SLC4A8: variants seen among roughly 807,000 people sequenced by gnomAD.
The protein encoded by SLC4A8 is solute carrier family 4 member 8.
Under a neutral mutation model 125.0 loss-of-function variants are expected in SLC4A8, and 40 were observed. That is an observed-to-expected ratio of 0.32 (90% CI 0.25 to 0.42). The LOEUF (loss-of-function observed/expected upper bound fraction) is 0.42, where lower values mean the gene tolerates loss of function less well. Among genes scored for constraint, SLC4A8 ranks in the 10% least tolerant of loss-of-function variants. SLC4A8 has a pLI of 1.00. For synonymous variants in SLC4A8, 456 were observed against 476.0 expected, an observed-to-expected ratio of 0.96 and a Z score of 0.55; for missense variants, 863 against 1,355.1, an observed-to-expected ratio of 0.64 and a Z score of 5.70.
intron 6 of SLC4A8, among the ~76,000 whole-genome samples, chr12:51,457,817 T>C (rs372729560): frequency 1.6e-4 from 25 of 152,262 alleles, no homozygotes; most frequent in East Asian, 7.7e-4. Context: ...GATAGCCACA[T>C]TGGGGACAAT....
At chr12:51,404,707 A>G (rs1396883112) in intron 1 of SLC4A8, among the ~76,000 whole-genome samples, 2 of 152,190 alleles carry the variant, frequency 1.3e-5, no homozygotes, top group Non-Finnish European at 2.9e-5. Context: ...AAGATAAAGA[A>G]TGAGAGGACT....
At chr12:51,471,655 G>A in intron 14 of SLC4A8, 123 bp downstream of exon 14, 4 of 1,083,776 alleles carry the variant, frequency 3.7e-6, no homozygotes, top group Non-Finnish European at 5.4e-6. Context: ...TTAGGAAACG[G>A]ATCTCAGATA....
At position 51,508,047 on chromosome 12, in the gene SLC4A8, G is replaced by A. The variant is rs1449876312; in HGVS notation, c.*609G>A. ...TTGGCAGTGCCTGCCACCACAGCCA[G>A]GAAGATGCCTCTGACCTGGGTGCAT... On this transcript the variant is annotated 3_prime_UTR_variant, in exon 25 of 25. Coordinates refer to ENST00000453097, the MANE Select transcript of SLC4A8 (RefSeq NM_001039960.3). 6.6e-6 allele frequency: 1 copy of A among 152,366 alleles called. No homozygotes were observed. Among genetic ancestry groups the A allele is most frequent in the Non-Finnish European group, 1.5e-5 (1 of 68,146 alleles). The allele number at this position is 152,366 out of a possible 1,614,324, so 9.4% of individuals were successfully genotyped here. A position where few individuals can be genotyped will look rare whatever the true frequency, so the allele number is the denominator to read the frequency against.
intron 22 of SLC4A8, among the ~76,000 whole-genome samples, chr12:51,501,124 C>T (rs1049890062): frequency 5.9e-5 from 9 of 152,088 alleles, no homozygotes; most frequent in East Asian, 1.9e-4. Context: ...CCACCGTGCC[C>T]GGCCAGATTA....
intron 1 of SLC4A8, among the ~76,000 whole-genome samples, chr12:51,418,017 G>C (rs2137993160): frequency 6.6e-6 from 1 of 152,340 alleles, no homozygotes; most frequent in Non-Finnish European, 1.5e-5. Flanking sequence ...GGAATTATAA[G>C]GGTGCAAGTG....
At chr12:51,468,696 C>T (rs1205703385) in intron 11 of SLC4A8, among the ~76,000 whole-genome samples, 1 of 152,148 alleles carries the variant, frequency 6.6e-6, no homozygotes, top group Non-Finnish European at 1.5e-5. Flanking sequence ...GGAGGCGGAG[C>T]TTGCAGTGAC....
chr12:51,403,217 A>G, intron 1 of SLC4A8: 1 of 456,978 alleles, frequency 2.2e-6, no homozygotes, highest in South Asian at 1.5e-5. Flanking sequence ...ACCGCCGGGG[A>G]GACCCAGGAT....
chr12:51,398,358 C>T (rs994249138), intron 1 of SLC4A8, among the ~76,000 whole-genome samples: 6 of 152,124 alleles, frequency 3.9e-5, no homozygotes, highest in Admixed American at 2.6e-4. Context: ...ATAAGTGTTC[C>T]TCTCTTGGGG....
At chr12:51,400,781 TACATACACACACACACAC>T (rs1948370398) in intron 1 of SLC4A8, among the ~76,000 whole-genome samples, 2 of 6,994 alleles carry the variant, frequency 2.9e-4, no homozygotes, top group Middle Eastern at 0.1. Context: ...TATATATACA[TACATACACACACACACAC>T]ACATATATAA....
At chr12:51,492,264 CT>C (rs955132305) in intron 19 of SLC4A8, among the ~76,000 whole-genome samples, 2 of 151,788 alleles carry the variant, frequency 1.3e-5, no homozygotes, top group Non-Finnish European at 2.9e-5. Context: ...CTCCTCTTCC[CT>C]TTTTTTTGGC....
Position 51,493,762 on chromosome 12 carries a change from A to G in SLC4A8, c.2759A>G (p.Gln920Arg). 2 of 1,599,186 alleles carry G rather than the reference A, an allele frequency of 1.3e-6. No homozygotes were observed. The highest frequency in any genetic ancestry group is 1.7e-6 in the Non-Finnish European group (2 of 1,166,318). The change falls in exon 20 of 25, where the codon CAG (glutamine) becomes CGG (arginine). Residue 920 changes from glutamine (Q) to arginine (R), a missense_variant. Around this residue, in one of 6 missense-constraint regions of SLC4A8, gnomAD observed 197 missense variants for 377.7 expected, o/e 0.52. Transcript: ENST00000453097. Reference protein sequence around the residue: ...VFLYMGVSSLQGIQFFDRLKL... With the variant: ...VFLYMGVSSLRGIQFFDRLKL... Reference sequence around the variant, plus strand: ...CTTTACATGGGAGTTTCTTCACTACAGGGAATTCAGGTATTGTATGGTTCA... The same window carrying G: ...CTTTACATGGGAGTTTCTTCACTACGGGGAATTCAGGTATTGTATGGTTCA...
At chr12:51,479,398 A>T (rs1272112926) in intron 16 of SLC4A8, among the ~76,000 whole-genome samples, 2 of 152,130 alleles carry the variant, frequency 1.3e-5, no homozygotes, top group African/African-American at 4.8e-5. Flanking sequence ...TGAAATGTAG[A>T]CAAAGGGGCT....
At chr12:51,470,857 C>T (rs1313344284) in intron 13 of SLC4A8, among the ~76,000 whole-genome samples, 1 of 140,136 alleles carries the variant, frequency 7.1e-6, no homozygotes, top group Non-Finnish European at 1.6e-5. Flanking sequence ...CCTCCCCCTG[C>T]TGTTTTTTTT....
At chr12:51,475,697 G>A (rs923715387) in intron 16 of SLC4A8, among the ~76,000 whole-genome samples, 2 of 152,184 alleles carry the variant, frequency 1.3e-5, no homozygotes, top group African/African-American at 4.8e-5. Context: ...TTGTATGACT[G>A]TTTGAAACCT....
intron 1 of SLC4A8, chr12:51,403,348 GA>G (rs1159751316): frequency 2.3e-6 from 1 of 426,238 alleles, no homozygotes; most frequent in East Asian, 7.3e-5. Context: ...CTCATTTCCA[GA>G]GTTTGGGCAG....
At chr12:51,490,085 G>A (rs1469395084) in intron 19 of SLC4A8, 134 bp downstream of exon 19, 14 of 771,918 alleles carry the variant, frequency 1.8e-5, no homozygotes, top group Non-Finnish European at 2.5e-5. Flanking sequence ...TTATTCTAGA[G>A]GGATAAGACA....
chr12:51,425,099 A>G, intron 1 of SLC4A8, 64 bp downstream of exon 1: 13 of 1,511,802 alleles, frequency 8.6e-6, no homozygotes, highest in Non-Finnish European at 1.1e-5. Context: ...TCCTCTGCCC[A>G]CCCTCCTTCC....
At chr12:51,504,290 C>T (rs766308048) in intron 23 of SLC4A8, among the ~76,000 whole-genome samples, 170 bp downstream of exon 23, 3 of 152,218 alleles carry the variant, frequency 2.0e-5, no homozygotes, top group Non-Finnish European at 4.4e-5. Context: ...TTATTGAATA[C>T]CTGCTATGTA....
In SLC4A8 at chr12:51,453,690, G is replaced by A. The variant is rs774518933; in HGVS notation, c.565G>A (p.Glu189Lys). The part of the protein sequence containing the change: ...LLDMHANSIE[E>K]ISDLILDQQE... ...GGATATGCATGCAAATAGCATAGAA[G>A]AAATTTCAGGTAAGGTTGGGGAAGG... Residue 189 changes from glutamate (E) to lysine (K), a missense_variant, in exon 5 of 25, where the codon GAA becomes AAA. This residue lies in a region of SLC4A8 where 390 missense variants were observed against 634.4 expected (regional missense o/e 0.61). Coordinates refer to ENST00000453097, the MANE Select transcript of SLC4A8 (RefSeq NM_001039960.3). The A allele has an allele frequency of 1.2e-6, 2 of 1,612,288 alleles. No individual in the cohort carries two copies. Among genetic ancestry groups the A allele is most frequent in the Non-Finnish European group, 1.7e-6 (2 of 1,179,008 alleles).
Sources: gnomAD v4.1 joint callset for allele counts (sites outside exome capture counted in the v4.1 genomes callset) on GRCh38, gnomAD v4.1.1 for gene constraint, gnomAD v4.1.1 regional missense constraint, MANE v1.5 for transcripts, NCBI Gene and HGNC (gene_info 2026-07-23, HGNC 2026-07-21) for gene names.